Variants in ZSCAN25 observed in about 807,000 individuals in gnomAD.
The protein encoded by ZSCAN25 is zinc finger and SCAN domain containing 25, also known as zinc finger and SCAN domain-containing protein 25.
A neutral mutation model predicts 38.7 loss-of-function variants in ZSCAN25; 27 were observed. The observed-to-expected ratio is 0.70, with a 90% CI of 0.51 to 0.96. ZSCAN25 has a LOEUF of 0.96. Ranked by LOEUF, ZSCAN25 falls within the 40% of genes least tolerant of loss-of-function variation. The pLI, the probability that ZSCAN25 is intolerant of heterozygous loss-of-function variation, is 0.00. For synonymous variants in ZSCAN25, 273 were observed against 277.7 expected (o/e 0.98, Z 0.17); for missense variants, 637 against 705.9 (o/e 0.90, Z 1.11).
chr7:99,634,651 G>A (rs1808196073), downstream of ZSCAN25, among the ~76,000 whole-genome samples: 1 of 152,202 alleles, frequency 6.6e-6, no homozygotes, highest in Non-Finnish European at 1.5e-5. Flanking sequence ...AACAAAATTA[G>A]CTGGGCATGG....
the ZSCAN25 span, chr7:99,638,170 G>T: frequency 7.6e-7 from 1 of 1,313,754 alleles, no homozygotes; most frequent in Non-Finnish European, 1.0e-6. Flanking sequence ...TGAAAGAGGA[G>T]ATGGTGGCGA....
chr7:99,644,584 G>A, the ZSCAN25 span, among the ~76,000 whole-genome samples: 3 of 152,084 alleles, frequency 2.0e-5, no homozygotes, highest in Admixed American at 6.5e-5. Context: ...CCTCCGCCAC[G>A]CCCTTTGCAG....
the ZSCAN25 span, chr7:99,666,722 A>C: frequency 3.7e-6 from 6 of 1,613,986 alleles, no homozygotes; most frequent in Non-Finnish European, 5.1e-6. Flanking sequence ...CCTGTAGTTA[A>C]ATGTGCAGAC....
the ZSCAN25 span, chr7:99,731,041 A>T: frequency 1.2e-6 from 2 of 1,613,572 alleles, no homozygotes; most frequent in Non-Finnish European, 1.7e-6. Context: ...GCAAAAGAGG[A>T]AGCTCAAAAA....
the ZSCAN25 span, chr7:99,713,577 G>T: frequency 8.1e-6 from 13 of 1,611,814 alleles, no homozygotes; most frequent in African/African-American, 1.7e-4. Flanking sequence ...AAAGTGACTC[G>T]TGAAGTCAGA....
the ZSCAN25 span, chr7:99,735,067 C>T: frequency 6.2e-7 from 1 of 1,614,084 alleles, no homozygotes; most frequent in East Asian, 2.2e-5. Context: ...GCCAGGTTTC[C>T]ACGGCCAAGT....
the ZSCAN25 span, chr7:99,652,337 G>T: frequency 2.6e-6 from 1 of 391,356 alleles, no homozygotes; most frequent in South Asian, 7.5e-5. Context: ...GGACATAATT[G>T]ATTATCTTTG....
At chr7:99,666,233 C>T in the ZSCAN25 span, among the ~76,000 whole-genome samples, 18 of 152,314 alleles carry the variant, frequency 1.2e-4, no homozygotes, top group African/African-American at 4.3e-4. Context: ...TCCCATCTTA[C>T]CCAATGCAAG....
chr7:99,717,774 A>C, the ZSCAN25 span: 1 of 1,142,222 alleles, frequency 8.8e-7, no homozygotes, highest in South Asian at 1.4e-5. Flanking sequence ...GCCCTATGAC[A>C]GATGCTCAAT....
At chr7:99,634,946 GTAA>G (rs919427139), downstream of ZSCAN25, among the ~76,000 whole-genome samples, 9 of 151,876 alleles carry the variant, frequency 5.9e-5, no homozygotes, top group Non-Finnish European at 8.8e-5. Flanking sequence ...TGTCTCAATA[GTAA>G]TAATAATAAT....
chr7:99,660,546 C>T, the ZSCAN25 span: 1 of 1,613,814 alleles, frequency 6.2e-7, no homozygotes, highest in East Asian at 2.2e-5. Context: ...TTCTGCTGGA[C>T]ATCAGGGTGA....
Position 99,629,310 on chromosome 7 carries a change from G to T in ZSCAN25, c.925G>T (p.Val309Phe). 8 of 1,614,172 alleles carry T rather than the reference G, an allele frequency of 5.0e-6. No individual in the cohort carries two copies. The highest frequency in any genetic ancestry group is 6.8e-6 in the Non-Finnish European group (8 of 1,180,022). Reference sequence around the variant, plus strand: ...TCTCCAGGGCCCTGGGCTCGGAAGGGTCTGTGAGCAGGAGCCTGGTGGCCC... The same window carrying T: ...TCTCCAGGGCCCTGGGCTCGGAAGGTTCTGTGAGCAGGAGCCTGGTGGCCC... ...ASLQGPGLGRVCEQEPGGPAG... is the reference protein window; with the variant it reads ...ASLQGPGLGRFCEQEPGGPAG... Residue 309 changes from valine to phenylalanine, a missense_variant, in exon 8 of 8, where the codon GTC becomes TTC. By Grantham distance (50) the Val-to-Phe change is conservative (BLOSUM62 -1). Coordinates refer to ENST00000394152, the MANE Select transcript of ZSCAN25 (RefSeq NM_145115.3). The surrounding 1 kb of genome is among the most constrained non-coding windows in gnomAD (Gnocchi z 5.6).
At chr7:99,622,715 C>T (rs1807088409) in intron 6 of ZSCAN25, 75 bp downstream of exon 6, 2 of 1,404,398 alleles carry the variant, frequency 1.4e-6, no homozygotes, top group South Asian at 2.4e-5. Context: ...GGTTTCTCTG[C>T]ACAACAGTGT....
the ZSCAN25 span, among the ~76,000 whole-genome samples, chr7:99,655,522 G>A: frequency 3.3e-5 from 5 of 152,136 alleles, no homozygotes; most frequent in South Asian, 4.2e-4. Flanking sequence ...TGATGCCTCC[G>A]GCTTTGTTCT....
chr7:99,690,737 A>T, the ZSCAN25 span, among the ~76,000 whole-genome samples: 1 of 152,114 alleles, frequency 6.6e-6, no homozygotes, highest in Non-Finnish European at 1.5e-5. Flanking sequence ...TCAAAACCAC[A>T]ATGAGATACC....
the ZSCAN25 span, among the ~76,000 whole-genome samples, chr7:99,717,971 C>G: frequency 2.0e-3 from 304 of 152,242 alleles, 1 homozygote; most frequent in Non-Finnish European, 2.8e-3. Flanking sequence ...CTTTGTTGGA[C>G]TGTATGTTGC....
the ZSCAN25 span, chr7:99,715,914 G>A: frequency 6.2e-7 from 1 of 1,613,598 alleles, no homozygotes; most frequent in Non-Finnish European, 8.5e-7. Context: ...ACGCTGAGTG[G>A]AGAAAGATGT....
the ZSCAN25 span, chr7:99,710,721 T>C: frequency 7.7e-5 from 124 of 1,613,836 alleles, 1 homozygote; most frequent in East Asian, 1.4e-3. Flanking sequence ...CTCCATGTAC[T>C]GTCCACTCAC....
At chr7:99,697,530 T>C in the ZSCAN25 span, among the ~76,000 whole-genome samples, 5 of 152,220 alleles carry the variant, frequency 3.3e-5, no homozygotes, top group South Asian at 1.0e-3. Context: ...CACCTTCTAA[T>C]GTCCAGGTAC....
Sources: allele counts gnomAD v4.1 joint callset (sites outside exome capture counted in the v4.1 genomes callset), GRCh38; gene constraint gnomAD v4.1.1; non-coding constraint Gnocchi (gnomAD v3.1); transcripts MANE v1.5; gene names NCBI Gene and HGNC (gene_info 2026-07-23, HGNC 2026-07-21).